The following PHKB variants were observed in gnomAD, a reference collection of about 807,000 sequenced individuals.
The protein encoded by PHKB is phosphorylase kinase regulatory subunit beta.
In PHKB, 122 loss-of-function variants were observed where a neutral mutation model predicts 152.1. The ratio of observed to expected loss-of-function variants is 0.80; its 90% CI spans 0.69 to 0.93. The LOEUF is 0.93. Ranked by LOEUF, PHKB falls within the 40% of genes least tolerant of loss-of-function variation. The pLI is 0.00. For synonymous variants in PHKB, 436 were observed against 464.9 expected, an observed-to-expected ratio of 0.94 and a Z score of 0.80; for missense variants, 1,304 against 1,328.4, an observed-to-expected ratio of 0.98 and a Z score of 0.29.
chr16:47,620,435 T>C (rs1440199705), intron 14 of PHKB, among the ~76,000 whole-genome samples: 1 of 152,174 alleles, frequency 6.6e-6, no homozygotes, highest in African/African-American at 2.4e-5. Context: ...AGGTGCCCAG[T>C]AGTTAATATA....
intron 24 of PHKB, chr16:47,664,427 T>TAA: frequency 5.8e-6 from 1 of 171,974 alleles, no homozygotes; most frequent in Non-Finnish European, 1.2e-5. Flanking sequence ...GTTATCCACT[T>TAA]AAAAAAAAAA....
intron 6 of PHKB, among the ~76,000 whole-genome samples, chr16:47,544,368 G>C (rs907684387): frequency 6.6e-6 from 1 of 152,162 alleles, no homozygotes; most frequent in African/African-American, 2.4e-5. Context: ...TCAGGAGCAG[G>C]TTCTTCAGTT....
chr16:47,674,993 A>G (rs1477080447), intron 26 of PHKB, among the ~76,000 whole-genome samples: 2 of 152,236 alleles, frequency 1.3e-5, no homozygotes, highest in African/African-American at 4.8e-5. Flanking sequence ...TTAAGTGACT[A>G]TCTCAGGCAA....
chr16:47,566,749 C>T, intron 7 of PHKB: 1 of 755,226 alleles, frequency 1.3e-6, no homozygotes, highest in Non-Finnish European at 2.4e-6. Flanking sequence ...GTTGAAATAT[C>T]TCCTTCCAGG....
In PHKB at chr16:47,563,471, T is replaced by C. The variant is rs181423674; in HGVS notation, c.710+15923T>C. ...GATAACCAGGTATATTGTCAATAAG[T>C]AGTAATATTTTCAAGGGAATCATTT... On this transcript the variant is annotated intron_variant, in intron 7 of 30. Transcript: ENST00000323584. 4.2e-4 allele frequency among the ~76,000 whole-genome samples: 64 copies of C among 152,152 alleles called. No homozygotes were observed. In the East Asian group the frequency reaches 0.011, roughly 27 times the overall value.
intron 1 of PHKB, among the ~76,000 whole-genome samples, chr16:47,490,780 T>C (rs1048178431): frequency 3.3e-5 from 5 of 152,212 alleles, no homozygotes; most frequent in African/African-American, 9.6e-5. Context: ...GGCAGATCAG[T>C]GCCCCAAGAG....
At chr16:47,480,162 G>C (rs922458656) in intron 1 of PHKB, among the ~76,000 whole-genome samples, 7 of 152,162 alleles carry the variant, frequency 4.6e-5, no homozygotes, top group African/African-American at 4.8e-5. Flanking sequence ...GCTTCAGGAT[G>C]TAATGACTGC....
At chr16:47,606,175 T>C (rs1972320331) in intron 13 of PHKB, among the ~76,000 whole-genome samples, 1 of 152,254 alleles carries the variant, frequency 6.6e-6, no homozygotes, top group Admixed American at 6.5e-5. Context: ...TTAATTATTA[T>C]TGAAAAGATC....
rs775239930 is a variant in PHKB at position 47,511,677 on chromosome 16, A to C, written c.418A>C (p.Lys140Gln). The C allele has an allele frequency of 6.2e-7, 1 of 1,608,522 alleles. No homozygotes were observed. The highest frequency in any genetic ancestry group is 1.1e-5 in the South Asian group (1 of 90,954). The change falls in exon 5 of 31, where the codon AAG (lysine) becomes CAG (glutamine). Residue 140 changes from lysine (K) to glutamine (Q), a missense_variant. Physicochemically the swap from Lys to Gln is moderately conservative, Grantham distance 53. Transcript: ENST00000323584. ...TATTTCATTCTAGGTCCAGCAGTTT[A>C]AGCAGGATCCACGCCCAACAACATG... ...MRQADKVQQF[K>Q]QDPRPTTCLH...
intron 14 of PHKB, among the ~76,000 whole-genome samples, chr16:47,633,687 T>C (rs1297692610): frequency 6.6e-6 from 1 of 152,108 alleles, no homozygotes; most frequent in Non-Finnish European, 1.5e-5. Flanking sequence ...AAACATAAGA[T>C]GGACATGAGT....
intron 14 of PHKB, among the ~76,000 whole-genome samples, chr16:47,625,113 T>G (rs1268627906): frequency 3.3e-5 from 5 of 152,194 alleles, no homozygotes; most frequent in African/African-American, 1.2e-4. Context: ...TCTTCCCGCC[T>G]CTTCACTTCA....
intron 7 of PHKB, among the ~76,000 whole-genome samples, chr16:47,556,278 T>G (rs2151678223): frequency 6.6e-6 from 1 of 152,346 alleles, no homozygotes; most frequent in Middle Eastern, 3.4e-3. Context: ...CCTGCCTAAT[T>G]GCCCTGGCCA....
chr16:47,517,374 G>A (rs1567288833), intron 6 of PHKB, among the ~76,000 whole-genome samples: 1 of 151,410 alleles, frequency 6.6e-6, no homozygotes, highest in Non-Finnish European at 1.5e-5. Context: ...TCCCACCTCA[G>A]CCTCCTCAGT....
chr16:47,620,191 A>G (rs1342929330), intron 14 of PHKB, among the ~76,000 whole-genome samples: 1 of 152,242 alleles, frequency 6.6e-6, no homozygotes, highest in Non-Finnish European at 1.5e-5. Flanking sequence ...TTTTACATAA[A>G]TAAGCCATTC....
chr16:47,628,091 C>T (rs1224685470), intron 14 of PHKB, among the ~76,000 whole-genome samples: 1 of 152,192 alleles, frequency 6.6e-6, no homozygotes, highest in East Asian at 1.9e-4. Context: ...AAATACACTG[C>T]CCTTGAGCAA....
rs373879722 is a variant in PHKB, at chr16:47,556,427, T to A, written c.710+8879T>A. On this transcript the variant is annotated intron_variant, in intron 7 of 30. Coordinates refer to ENST00000323584, the MANE Select transcript of PHKB (RefSeq NM_000293.3). ...GGTTTGTCATAGATAGCTCTTATTATTTTGAGATATGTCTCATCAATACCT... is the reference window on the plus strand; with the variant it reads ...GGTTTGTCATAGATAGCTCTTATTAATTTGAGATATGTCTCATCAATACCT... Among the ~76,000 whole-genome samples, 24 of 152,322 alleles carry A rather than the reference T, an allele frequency of 1.6e-4. No homozygotes were observed. The East Asian group carries it at 4.6e-3, about 29-fold the overall frequency.
At chr16:47,506,859 G>T (rs1970428469) in intron 4 of PHKB, among the ~76,000 whole-genome samples, 1 of 152,202 alleles carries the variant, frequency 6.6e-6, no homozygotes, top group Non-Finnish European at 1.5e-5. Flanking sequence ...AATGTTTTAA[G>T]AAAGTTTACG....
chr16:47,584,867 T>C (rs1424705093), intron 8 of PHKB, among the ~76,000 whole-genome samples: 1 of 152,202 alleles, frequency 6.6e-6, no homozygotes, highest in African/African-American at 2.4e-5. Flanking sequence ...TGAGAAGTGA[T>C]TAATGAAGAA....
chr16:47,647,733 G>A (rs1428902839), intron 16 of PHKB, among the ~76,000 whole-genome samples: 2 of 152,030 alleles, frequency 1.3e-5, no homozygotes, highest in Admixed American at 1.3e-4. Context: ...TCCTGACCTC[G>A]TGATCTGCCC....
Sources: gnomAD v4.1 joint callset for allele counts (sites outside exome capture counted in the v4.1 genomes callset) on GRCh38, gnomAD v4.1.1 for gene constraint, MANE v1.5 for transcripts, NCBI Gene and HGNC (gene_info 2026-07-23, HGNC 2026-07-21) for gene names.